Variants in ERBIN observed in about 807,000 individuals in gnomAD.
The protein encoded by ERBIN is densin-180-like protein.
A neutral mutation model predicts 158.4 loss-of-function variants in ERBIN; 60 were observed. The observed-to-expected ratio is 0.38, with a 90% CI of 0.31 to 0.47. ERBIN has a LOEUF of 0.47. ERBIN is among the 20% of genes least tolerant of loss of function. The pLI is 0.99. For missense variants in ERBIN, 1,610 were observed against 1,648.0 expected (o/e 0.98, Z 0.40); for synonymous variants, 594 against 557.2 (o/e 1.07, Z -0.93).
intron 1 of ERBIN, among the ~76,000 whole-genome samples, chr5:65,949,889 C>G (rs1465647976): frequency 2.6e-5 from 4 of 152,152 alleles, no homozygotes; most frequent in African/African-American, 9.7e-5. Context: ...TCAGGCTGGT[C>G]TCAAATTCCT....
intron 9 of ERBIN, 106 bp downstream of exon 9, chr5:66,023,470 T>A: frequency 1.6e-6 from 1 of 612,992 alleles, no homozygotes; most frequent in Non-Finnish European, 2.7e-6. Flanking sequence ...AAAATTGAAT[T>A]ATTCTTTATT....
intron 1 of ERBIN, among the ~76,000 whole-genome samples, chr5:65,953,993 T>C (rs192865680): frequency 5.8e-4 from 89 of 152,280 alleles, no homozygotes; most frequent in African/African-American, 2.0e-3. Context: ...TTGGTTTCCC[T>C]ACACTCGTTA....
intron 21 of ERBIN, among the ~76,000 whole-genome samples, chr5:66,067,320 G>C (rs1032843775): frequency 6.6e-6 from 1 of 152,182 alleles, no homozygotes; most frequent in Non-Finnish European, 1.5e-5. Context: ...GTCAACTTCA[G>C]ATTTTGAGAA....
intron 1 of ERBIN, among the ~76,000 whole-genome samples, chr5:65,948,832 C>T (rs547614319): frequency 4.7e-5 from 6 of 127,292 alleles, no homozygotes; most frequent in Non-Finnish European, 7.8e-5. Context: ...GGCCCAATTT[C>T]AGCTCGCTGC....
intron 1 of ERBIN, among the ~76,000 whole-genome samples, chr5:65,942,496 A>T (rs915973926): frequency 2.0e-5 from 3 of 152,274 alleles, no homozygotes; most frequent in East Asian, 1.9e-4. Flanking sequence ...ATAGATGATT[A>T]TTTTTTTAGT....
Position 66,072,232 on chromosome 5 carries a change from C to G in ERBIN, c.3697C>G (p.Gln1233Glu). 1.3e-6 allele frequency: 2 copies of G among 1,550,386 alleles called. No individual in the cohort carries two copies. The highest frequency in any genetic ancestry group is 1.7e-6 in the Non-Finnish European group (2 of 1,146,888). The change falls in exon 22 of 26, where the codon CAG (glutamine) becomes GAG (glutamate). Residue 1233 changes from glutamine (Q) to glutamate (E), a missense_variant. By Grantham distance (29) the Gln-to-Glu change is conservative. This residue lies in a region of ERBIN where 1,014 missense variants were observed against 936.1 expected (regional missense o/e 1.08). Transcript: ENST00000284037. ...CQDGIFISGQ[Q>E]NYSSATLSHK... is the part of the protein sequence containing the mutation. ...AGATGGTATATTCATTTCAGGACAG[C>G]AGAACTACTCATCAGCCACACTTAG...
chr5:66,072,358 ATAT>A (rs1432555523), intron 22 of ERBIN, 67 bp downstream of exon 22: 3 of 1,497,478 alleles, frequency 2.0e-6, no homozygotes, highest in Non-Finnish European at 2.7e-6. Flanking sequence ...TTTGGACTAG[ATAT>A]TATATGTGCT....
At chr5:65,995,932 TCATTTGCTGA>T (rs1411325551) in intron 4 of ERBIN, among the ~76,000 whole-genome samples, 1 of 152,184 alleles carries the variant, frequency 6.6e-6, no homozygotes, top group African/African-American at 2.4e-5. Flanking sequence ...TCTATTCAGG[TCATTTGCTGA>T]TTTTTATGTC....
intron 21 of ERBIN, among the ~76,000 whole-genome samples, chr5:66,062,362 A>G (rs1760493385): frequency 2.0e-5 from 3 of 152,158 alleles, no homozygotes; most frequent in Admixed American, 2.0e-4. Flanking sequence ...CATTCGTCAC[A>G]TAGTTCTCGT....
chr5:65,969,525 T>C (rs936216314), intron 1 of ERBIN, among the ~76,000 whole-genome samples: 3 of 152,206 alleles, frequency 2.0e-5, no homozygotes, highest in Non-Finnish European at 4.4e-5. Context: ...GAATGATAAA[T>C]GGTGGAATCT....
intron 22 of ERBIN, among the ~76,000 whole-genome samples, chr5:66,074,676 A>G (rs776113317): frequency 9.2e-5 from 14 of 152,166 alleles, no homozygotes; most frequent in South Asian, 2.1e-4. Flanking sequence ...TTGGTATACT[A>G]TGTGCCATTT....
intron 21 of ERBIN, among the ~76,000 whole-genome samples, chr5:66,066,740 T>C (rs1293156802): frequency 6.6e-6 from 1 of 152,172 alleles, no homozygotes; most frequent in Non-Finnish European, 1.5e-5. Flanking sequence ...TAACACAACA[T>C]GGTAAGTGTT....
At chr5:65,943,234 A>T (rs551294816) in intron 1 of ERBIN, among the ~76,000 whole-genome samples, 1 of 152,348 alleles carries the variant, frequency 6.6e-6, no homozygotes, top group South Asian at 2.1e-4. Flanking sequence ...GAAATGAATT[A>T]CAGGAATGTT....
At chr5:66,019,841 TTATAA>T (rs1755498203) in intron 7 of ERBIN, among the ~76,000 whole-genome samples, 3 of 152,174 alleles carry the variant, frequency 2.0e-5, no homozygotes, top group Admixed American at 6.5e-5. Context: ...TATCTTGTCA[TTATAA>T]CAATACTGAA....
In ERBIN at chr5:66,076,966, T is replaced by TTC; in HGVS notation, c.4131+18_4131+19insCT. The TTC allele has an allele frequency of 9.9e-7, 1 of 1,007,584 alleles. No homozygotes were observed. The highest frequency in any genetic ancestry group is 1.4e-6 in the Non-Finnish European group (1 of 738,282). 62.4% of individuals were successfully genotyped at this position (1,007,584 alleles called of 1,614,324 possible). ...ATTATTCAGGTAATTAAAATAAATC[T>TTC]TTTTTTTTTTCATTTTATAACACTC... On this transcript the variant is annotated intron_variant, in intron 25 of 25. Transcript: ENST00000284037.
chr5:66,054,077 A>G lies in ERBIN; in HGVS notation c.2759A>G (p.Tyr920Cys), dbSNP rs374278956. ...AGGAGCAAGTCTGCCACACTGTTGT[A>G]TGATCAACCATTGCAGGTATTTACT... ...IVRSKSATLL[Y>C]DQPLQVFTGS... The change falls in exon 21 of 26, where the codon TAT becomes TGT. Residue 920 changes from tyrosine to cysteine, a missense_variant. Physicochemically the swap from Tyr to Cys is radical, Grantham distance 194 (BLOSUM62 -2). Coordinates refer to ENST00000284037, the MANE Select transcript of ERBIN (RefSeq NM_001253697.2). The G allele has an allele frequency of 2.0e-5, 32 of 1,614,078 alleles. No homozygotes were observed. Among genetic ancestry groups the G allele is most frequent in the Admixed American group, 6.7e-5 (4 of 59,998 alleles).
chr5:65,994,278 G>A (rs1275855480), intron 3 of ERBIN, among the ~76,000 whole-genome samples: 1 of 152,166 alleles, frequency 6.6e-6, no homozygotes, highest in Non-Finnish European at 1.5e-5. Flanking sequence ...ATCACCACCA[G>A]TAGAGTCTTG....
intron 1 of ERBIN, among the ~76,000 whole-genome samples, chr5:65,973,039 T>G (rs1749438928): frequency 6.6e-6 from 1 of 151,430 alleles, no homozygotes; most frequent in African/African-American, 2.5e-5. Context: ...CTTAAGAAAT[T>G]AGGGCCTTGT....
At chr5:66,058,917 C>G (rs140742554) in intron 21 of ERBIN, among the ~76,000 whole-genome samples, 16 of 152,140 alleles carry the variant, frequency 1.1e-4, no homozygotes, top group African/African-American at 3.9e-4. Context: ...GTACCAGTAC[C>G]GTGCCGTTTT....
Sources: gnomAD v4.1 joint callset for allele counts (sites outside exome capture counted in the v4.1 genomes callset) on GRCh38, gnomAD v4.1.1 for gene constraint, gnomAD v4.1.1 regional missense constraint, MANE v1.5 for transcripts, NCBI Gene and HGNC (gene_info 2026-07-23, HGNC 2026-07-21) for gene names.